ANKS1B: variants seen among roughly 807,000 people sequenced by gnomAD.
ANKS1B encodes the protein ankyrin repeat and sterile alpha motif domain containing 1B.
A neutral mutation model predicts 148.3 loss-of-function variants in ANKS1B; 36 were observed. That is an observed-to-expected ratio of 0.24 (90% CI 0.19 to 0.32). ANKS1B has a LOEUF of 0.32. ANKS1B is among the 10% of genes least tolerant of loss of function. The pLI, the probability that ANKS1B is intolerant of heterozygous loss-of-function variation, is 1.00. For synonymous variants in ANKS1B, 542 were observed against 560.8 expected, an observed-to-expected ratio of 0.97 and a Z score of 0.47; for missense variants, 1,157 against 1,542.6, an observed-to-expected ratio of 0.75 and a Z score of 4.19.
intron 9 of ANKS1B, among the ~76,000 whole-genome samples, chr12:99,645,830 T>C (rs144755559): frequency 6.6e-6 from 1 of 152,242 alleles, no homozygotes; most frequent in East Asian, 1.9e-4. Context: ...GAATGCTACA[T>C]AGGATGGTTA....
intron 16 of ANKS1B, among the ~76,000 whole-genome samples, chr12:99,074,452 C>T (rs2372635): frequency 0.53 from 80,997 of 151,926 alleles, 23,352 homozygotes; most frequent in East Asian, 0.74. Flanking sequence ...GTTTGAATTG[C>T]GTGCTCTCAC....
chr12:99,477,339 T>C (rs1466863355), intron 10 of ANKS1B, among the ~76,000 whole-genome samples: 1 of 152,106 alleles, frequency 6.6e-6, no homozygotes, highest in Non-Finnish European at 1.5e-5. Context: ...AGCAATGGCA[T>C]TAAGATCAGT....
intron 14 of ANKS1B, among the ~76,000 whole-genome samples, chr12:99,175,486 T>C (rs1352199678): frequency 6.6e-6 from 1 of 152,206 alleles, no homozygotes; most frequent in Non-Finnish European, 1.5e-5. Flanking sequence ...AATAAGTTTG[T>C]ATATCTTGAG....
intron 17 of ANKS1B, among the ~76,000 whole-genome samples, chr12:98,846,074 TGACAGTCTTTAA>T (rs2099465307): frequency 6.6e-6 from 1 of 151,946 alleles, no homozygotes; most frequent in Non-Finnish European, 1.5e-5. Flanking sequence ...GGTGGTTTAT[TGACAGTCTTTAA>T]TTCTTCCCTA....
At chr12:99,546,706 T>C (rs1478718035) in intron 9 of ANKS1B, among the ~76,000 whole-genome samples, 1 of 152,108 alleles carries the variant, frequency 6.6e-6, no homozygotes, top group Non-Finnish European at 1.5e-5. Context: ...TTATGCATGA[T>C]AAATACATAG....
chr12:99,963,693 T>C (rs942346378), intron 1 of ANKS1B, among the ~76,000 whole-genome samples: 1 of 152,244 alleles, frequency 6.6e-6, no homozygotes, highest in Non-Finnish European at 1.5e-5. Flanking sequence ...AGTTTCCTGA[T>C]AGTAACTTAA....
chr12:99,295,573 T>A (rs979398831), intron 12 of ANKS1B, among the ~76,000 whole-genome samples: 2 of 152,200 alleles, frequency 1.3e-5, no homozygotes, highest in Non-Finnish European at 2.9e-5. Context: ...ATATATCAAA[T>A]TTTTCTTTTA....
At chr12:99,024,864 G>T (rs2099947861) in intron 17 of ANKS1B, among the ~76,000 whole-genome samples, 1 of 152,160 alleles carries the variant, frequency 6.6e-6, no homozygotes, top group Non-Finnish European at 1.5e-5. Context: ...CATGTACCAG[G>T]CAATTAGGGA....
At chr12:99,354,292 C>A (rs2091759257) in intron 12 of ANKS1B, among the ~76,000 whole-genome samples, 1 of 151,978 alleles carries the variant, frequency 6.6e-6, no homozygotes, top group Admixed American at 6.6e-5. Flanking sequence ...GGTTCTACTC[C>A]ACATACTCTG....
At position 99,574,568 on chromosome 12, in the gene ANKS1B, AG is replaced by A. The variant is rs2097496937; in HGVS notation, c.1273-69928del. ...AGCAAATAAAGCTCAGCAATATGAA[AG>A]GAGGATAATGCATTATGACCAAGTG... On this transcript the variant is annotated intron_variant, in intron 9 of 26. Coordinates refer to ENST00000683438, the MANE Select transcript of ANKS1B (RefSeq NM_001352186.2). 3.3e-5 allele frequency among the ~76,000 whole-genome samples: 5 copies of A among 152,248 alleles called. No individual in the cohort carries two copies. In the South Asian group the frequency reaches 1.0e-3, roughly 32 times the overall value.
intron 17 of ANKS1B, among the ~76,000 whole-genome samples, chr12:98,905,217 A>T (rs2099777294): frequency 5.9e-5 from 9 of 152,188 alleles, no homozygotes; most frequent in Admixed American, 5.9e-4. Flanking sequence ...CATCTCCAAG[A>T]TCTGTGTATT....
intron 16 of ANKS1B, among the ~76,000 whole-genome samples, chr12:99,063,796 G>A (rs2043203301): frequency 1.3e-5 from 2 of 152,292 alleles, no homozygotes; most frequent in South Asian, 2.1e-4. Flanking sequence ...TGTGGGAATG[G>A]AAAGGATTAA....
At chr12:99,741,647 A>G (rs1252659571) in intron 8 of ANKS1B, among the ~76,000 whole-genome samples, 1 of 152,196 alleles carries the variant, frequency 6.6e-6, no homozygotes, top group African/African-American at 2.4e-5. Flanking sequence ...ACACAGGAAC[A>G]GAAAACCAAA....
rs537990464 is a variant in ANKS1B at position 98,904,712 on chromosome 12, G to A, written c.2779-72576C>T. ...AGCCACAGGGGATGGGAGTCTGACC[G>A]TGAGGTCCAGGAACCAAAGAGAAGT... On this transcript the variant is annotated intron_variant, in intron 17 of 26. Coordinates refer to ENST00000683438, the MANE Select transcript of ANKS1B (RefSeq NM_001352186.2). Among the ~76,000 whole-genome samples the A allele has an allele frequency of 9.8e-5, 15 of 152,306 alleles. No homozygotes were observed. In the South Asian group the frequency reaches 2.1e-3, roughly 21 times the overall value.
At chr12:99,134,596 C>T (rs896440941) in intron 15 of ANKS1B, among the ~76,000 whole-genome samples, 3 of 151,548 alleles carry the variant, frequency 2.0e-5, no homozygotes, top group Non-Finnish European at 4.4e-5. Flanking sequence ...CTCTCTTTCT[C>T]TCTCTGTTTC....
At chr12:99,054,377 G>C (rs2099968204) in intron 16 of ANKS1B, among the ~76,000 whole-genome samples, 1 of 152,118 alleles carries the variant, frequency 6.6e-6, no homozygotes. Flanking sequence ...CTGGGAATCA[G>C]GGATTCAGAT....
At chr12:98,767,327 C>T (rs1373633686) in intron 25 of ANKS1B, among the ~76,000 whole-genome samples, 2 of 152,120 alleles carry the variant, frequency 1.3e-5, no homozygotes, top group African/African-American at 4.8e-5. Flanking sequence ...TGTTTTCCTG[C>T]GTTTTGTCAC....
rs376766575 is a variant in ANKS1B, at chr12:99,636,085, A to C, written c.1272+18982T>G. Among the ~76,000 whole-genome samples the C allele has an allele frequency of 9.2e-5, 14 of 152,240 alleles. No homozygotes were observed. The East Asian group carries it at 9.6e-4, about 10-fold the overall frequency. On this transcript the variant is annotated intron_variant, in intron 9 of 26. Transcript: ENST00000683438. ...CCACAAAAAAAAGATAAATACCAAG[A>C]AACAGGCTGGAAAAATACTTTTAAA...
chr12:99,921,821 A>C (rs1317503932), intron 1 of ANKS1B, among the ~76,000 whole-genome samples: 1 of 152,180 alleles, frequency 6.6e-6, no homozygotes, highest in Admixed American at 6.5e-5. Context: ...CTCCTGTATA[A>C]ATTTTCAAGG....
Sources: gnomAD v4.1 joint callset for allele counts (sites outside exome capture counted in the v4.1 genomes callset) on GRCh38, gnomAD v4.1.1 for gene constraint, MANE v1.5 for transcripts, NCBI Gene and HGNC (gene_info 2026-07-23, HGNC 2026-07-21) for gene names.